Variants in C8orf74 observed in about 807,000 individuals in gnomAD.
C8orf74 encodes the protein uncharacterized protein C8orf74.
Under a neutral mutation model 22.2 loss-of-function variants are expected in C8orf74, and 29 were observed. The ratio of observed to expected loss-of-function variants is 1.31; its 90% CI spans 0.97 to 1.78. C8orf74 has a LOEUF of 1.78. C8orf74 is among the 40% of genes most tolerant of loss of function. The probability of loss-of-function intolerance (pLI) is 0.00; values close to 1 mark genes in which losing one functional copy is unlikely to be tolerated. For synonymous variants in C8orf74, 255 were observed against 163.1 expected (o/e 1.56, Z -4.30); for missense variants, 515 against 369.9 (o/e 1.39, Z -3.22).
At chr8:10,697,570 C>T in intron 2 of C8orf74, 29 bp from the exon 3 acceptor site, 27 of 1,598,468 alleles carry the variant, frequency 1.7e-5, no homozygotes, top group Non-Finnish European at 2.0e-5. Context: ...GTCCCACTCC[C>T]ACTCTGTTCT....
At chr8:10,680,504 G>A (rs576862797) in intron 2 of C8orf74, among the ~76,000 whole-genome samples, 15 of 152,352 alleles carry the variant, frequency 9.8e-5, no homozygotes, top group African/African-American at 2.6e-4. Flanking sequence ...GACAGAAGGT[G>A]CCACCCTCTG....
At position 10,700,269 on chromosome 8, in the gene C8orf74, C is replaced by G. The variant is rs745555031; in HGVS notation, c.683C>G (p.Thr228Ser). Residue 228 changes from threonine to serine, a missense_variant, in exon 4 of 4, where the codon ACC becomes AGC. Transcript: ENST00000304519. ...LESLICQAVHTQMELLQELLQ... is the reference protein window; with the variant it reads ...LESLICQAVHSQMELLQELLQ... Reference sequence around the variant, plus strand: ...AGCCTCATCTGCCAGGCAGTCCACACCCAGATGGAGCTCCTGCAGGAGCTG... The same window carrying G: ...AGCCTCATCTGCCAGGCAGTCCACAGCCAGATGGAGCTCCTGCAGGAGCTG... 1.1e-5 allele frequency: 18 copies of G among 1,612,518 alleles called. No homozygotes were observed. The highest frequency in any genetic ancestry group is 3.3e-5 in the South Asian group (3 of 90,996).
intron 2 of C8orf74, chr8:10,687,247 G>C (rs1799280450): frequency 5.2e-6 from 2 of 385,356 alleles, no homozygotes; most frequent in African/African-American, 2.1e-5. Flanking sequence ...ACGAGGTAGA[G>C]ATTTTTATTG....
intron 2 of C8orf74, 50 bp from the exon 3 acceptor site, chr8:10,697,549 A>C: frequency 6.4e-7 from 1 of 1,552,856 alleles, no homozygotes; most frequent in Non-Finnish European, 8.8e-7. Flanking sequence ...ACTGCCTGGC[A>C]GGGCAGCTCT....
intron 2 of C8orf74, among the ~76,000 whole-genome samples, chr8:10,682,064 C>A (rs1003264156): frequency 6.6e-6 from 1 of 152,210 alleles, no homozygotes; most frequent in Non-Finnish European, 1.5e-5. Context: ...CCCTGAAGTA[C>A]CCCGCCCTCA....
intron 2 of C8orf74, among the ~76,000 whole-genome samples, chr8:10,693,414 C>T (rs994125704): frequency 6.6e-6 from 1 of 152,208 alleles, no homozygotes; most frequent in Non-Finnish European, 1.5e-5. Context: ...GTGTTTCCTC[C>T]CCACTCCTCA....
chr8:10,696,981 T>C (rs1303123437), intron 2 of C8orf74, among the ~76,000 whole-genome samples: 3 of 131,714 alleles, frequency 2.3e-5, no homozygotes, highest in African/African-American at 9.9e-5. Context: ...AAAGACAAAA[T>C]ACTGGTAATG....
intron 2 of C8orf74, among the ~76,000 whole-genome samples, chr8:10,675,051 C>G (rs1215613609): frequency 6.6e-6 from 1 of 152,212 alleles, no homozygotes; most frequent in Non-Finnish European, 1.5e-5. Context: ...GTCTGCCTGA[C>G]TGCAAATCTG....
At position 10,700,294 on chromosome 8, in the gene C8orf74, G is replaced by A; in HGVS notation, c.708G>A (p.Leu236=). Reference sequence around the variant, plus strand: ...CCCAGATGGAGCTCCTGCAGGAGCTGCTGCAGCGCCAGATCCAGAACACAT... The same window carrying A: ...CCCAGATGGAGCTCCTGCAGGAGCTACTGCAGCGCCAGATCCAGAACACAT... ...VHTQMELLQE[L]LQRQIQNTFA... The change falls in exon 4 of 4, where the codon CTG becomes CTA. Residue 236 remains leucine, a synonymous_variant. Transcript: ENST00000304519. The A allele has an allele frequency of 6.2e-7, 1 of 1,613,428 alleles. No homozygotes were observed. Among genetic ancestry groups the A allele is most frequent in the East Asian group, 2.2e-5 (1 of 44,836 alleles).
intron 2 of C8orf74, chr8:10,691,204 G>T: frequency 3.0e-6 from 1 of 333,056 alleles, no homozygotes; most frequent in South Asian, 2.4e-5. Context: ...CCCAGGACAA[G>T]GTCTACACTT....
intron 2 of C8orf74, among the ~76,000 whole-genome samples, chr8:10,694,316 G>T (rs909691858): frequency 7.9e-5 from 12 of 152,162 alleles, no homozygotes; most frequent in Non-Finnish European, 1.8e-4. Context: ...AATCTTGGAT[G>T]AATGGAAGGA....
chr8:10,678,734 G>A (rs1799085797), intron 2 of C8orf74, among the ~76,000 whole-genome samples: 1 of 152,212 alleles, frequency 6.6e-6, no homozygotes, highest in Admixed American at 6.5e-5. Flanking sequence ...ATGCCAGGCT[G>A]GCTGCAGTGG....
chr8:10,699,675 T>C (rs1445202080), intron 3 of C8orf74, among the ~76,000 whole-genome samples: 2 of 152,216 alleles, frequency 1.3e-5, no homozygotes, highest in African/African-American at 4.8e-5. Flanking sequence ...TTCCTATGGC[T>C]GGCTGGGTGG....
chr8:10,700,332 A>G lies in C8orf74; in HGVS notation c.746A>G (p.Asp249Gly). ...ATCCAGAACACATTCGCCATCTTGG[A>G]CCTGAAGCTTCAGAAGAAGACTCTG... Reference protein sequence around the residue: ...RQIQNTFAILDLKLQKKTLNL... With the variant: ...RQIQNTFAILGLKLQKKTLNL... The change falls in exon 4 of 4, where the codon GAC becomes GGC. Residue 249 changes from aspartate (D) to glycine (G), a missense_variant. Transcript: ENST00000304519. 1 of 1,613,808 alleles carries G rather than the reference A, an allele frequency of 6.2e-7. No individual in the cohort carries two copies.
At chr8:10,675,122 G>T (rs1055651962) in intron 2 of C8orf74, among the ~76,000 whole-genome samples, 1 of 152,224 alleles carries the variant, frequency 6.6e-6, no homozygotes, top group Non-Finnish European at 1.5e-5. Flanking sequence ...TTTTCGTTTG[G>T]TTTTGCTTAA....
intron 2 of C8orf74, among the ~76,000 whole-genome samples, chr8:10,678,326 C>A (rs1218034762): frequency 6.6e-6 from 1 of 152,194 alleles, no homozygotes; most frequent in Non-Finnish European, 1.5e-5. Context: ...TGCCTTAAAG[C>A]CCACAGCATG....
At chr8:10,688,431 C>T (rs1799306825) in intron 2 of C8orf74, 1 of 152,174 alleles carries the variant, frequency 6.6e-6, no homozygotes, top group Non-Finnish European at 1.5e-5. Flanking sequence ...CCTGCATCTG[C>T]CTGAATCCCC....
Position 10,697,817 on chromosome 8 carries a change from G to A in C8orf74, c.460G>A (p.Ala154Thr), listed in dbSNP as rs776542479. ...VCMPPHPLPL[A>T]EGMDRDLWIH... ...CATGCCACCCCATCCCCTCCCGCTGGCCGAGGGCATGGACAGGGACTTGTG... is the reference window on the plus strand; with the variant it reads ...CATGCCACCCCATCCCCTCCCGCTGACCGAGGGCATGGACAGGGACTTGTG... The change falls in exon 3 of 4, where the codon GCC becomes ACC. Residue 154 changes from alanine to threonine, a missense_variant. Ala to Thr is a moderately conservative substitution (Grantham distance 58). Transcript: ENST00000304519. The A allele has an allele frequency of 1.9e-6, 3 of 1,613,970 alleles. No individual in the cohort carries two copies. Among genetic ancestry groups the A allele is most frequent in the African/African-American group, 1.3e-5 (1 of 75,080 alleles).
rs576978234 is a variant in C8orf74, at chr8:10,681,648, A to G, written c.241+6810A>G. 1.4e-3 allele frequency among the ~76,000 whole-genome samples: 210 copies of G among 152,268 alleles called. 1 individual carries two copies. The highest frequency in any genetic ancestry group is 4.9e-3 in the African/African-American group (202 of 41,574). On this transcript the variant is annotated intron_variant, in intron 2 of 3. Transcript: ENST00000304519. ...GGCACCTGCAGGACCTCCCCAACCC[A>G]CCACCACTCTGACCTCTGTGCTGCT...
Sources: gnomAD v4.1 joint callset for allele counts (sites outside exome capture counted in the v4.1 genomes callset) on GRCh38, gnomAD v4.1.1 for gene constraint, MANE v1.5 for transcripts, NCBI Gene and HGNC (gene_info 2026-07-23, HGNC 2026-07-21) for gene names.